Variants in ASTL observed in about 807,000 individuals in gnomAD.
ASTL encodes the protein astacin-like metalloendopeptidase.
Under a neutral mutation model 36.7 loss-of-function variants are expected in ASTL, and 27 were observed. That is an observed-to-expected ratio of 0.73 (90% CI 0.54 to 1.01). The LOEUF is 1.01. ASTL is among the 50% of genes least tolerant of loss of function. ASTL has a pLI of 0.00. For missense variants in ASTL, 524 were observed against 572.8 expected, an observed-to-expected ratio of 0.91 and a Z score of 0.87; for synonymous variants, 222 against 228.1, an observed-to-expected ratio of 0.97 and a Z score of 0.24.
Position 96,123,856 on chromosome 2 carries a change from T to A in ASTL, c.1290A>T (p.Glu430Asp), listed in dbSNP as rs760519375. Residue 430 changes from glutamate to aspartate, a missense_variant, in exon 9 of 9, where the codon GAA becomes GAT. By Grantham distance (45) the Glu-to-Asp change is conservative. Transcript: ENST00000342380. ...GGGGACAGAAGCCACAGGCTTAATC[T>A]TCGGACATCCCCTTGAAATGATTTC... is the stretch of plus-strand genomic sequence containing the variant. ...VPRNHFKGMS[E>D]D 3.1e-6 allele frequency: 5 copies of A among 1,612,668 alleles called. No homozygotes were observed. The highest frequency in any genetic ancestry group is 4.2e-6 in the Non-Finnish European group (5 of 1,179,430).
Position 96,124,370 on chromosome 2 carries a change from C to A in ASTL, c.875-99G>T, listed in dbSNP as rs144408515. ...GCTGGCTCAGCTCACAGGAGTGGTG[C>A]CCACCCATGCCACGGCCTAGTGCAT... is the stretch of plus-strand genomic sequence containing the variant. On this transcript the variant is annotated intron_variant, in intron 8 of 8. Coordinates refer to ENST00000342380, the MANE Select transcript of ASTL (RefSeq NM_001002036.4). This position sits in a 1 kb window ranked among gnomAD's most constrained non-coding sequence, Gnocchi z 4.1. 231 of 1,116,556 alleles carry A rather than the reference C, an allele frequency of 2.1e-4. 2 individuals carry two copies. The East Asian group carries it at 6.5e-3, about 32-fold the overall frequency. The allele number at this position is 1,116,556 out of a possible 1,614,324, so 69.2% of individuals were successfully genotyped here.
At position 96,129,870 on chromosome 2, in the gene ASTL, G is replaced by A; in HGVS notation, c.828C>T (p.Leu276=). 1 of 1,597,446 alleles carries A rather than the reference G, an allele frequency of 6.3e-7. No individual in the cohort carries two copies. The highest frequency in any genetic ancestry group is 2.2e-5 in the East Asian group (1 of 44,502). ...NLSASDITRV[L]KLYGCSPSGP... is the part of the protein sequence containing the mutation. ...CACTTGGGCTGCAGCCGTAGAGTTT[G>A]AGGACCCGGGTGATGTCCGAGGCAC... Residue 276 remains leucine (L), a synonymous_variant, in exon 8 of 9, where the codon CTC becomes CTT. Transcript: ENST00000342380.
chr2:96,124,411 C>CCA lies in ASTL; in HGVS notation c.875-142_875-141dup. On this transcript the variant is annotated intron_variant, in intron 8 of 8. Transcript: ENST00000342380. The surrounding 1 kb of genome is among the most constrained non-coding windows in gnomAD (Gnocchi z 4.1). Reference sequence around the variant, plus strand: ...CCTAGTGCATCCAAGACCCAGATTCCCACCCTACCAGAGACCAGGACAATG... The same window carrying CCA: ...CCTAGTGCATCCAAGACCCAGATTCCCACACCCTACCAGAGACCAGGACAATG... 1 of 649,544 alleles carries CCA rather than the reference C, an allele frequency of 1.5e-6. No individual in the cohort carries two copies. Among genetic ancestry groups the CCA allele is most frequent in the Non-Finnish European group, 2.4e-6 (1 of 423,102 alleles). The allele number at this position is 649,544 out of a possible 1,614,324, so 40.2% of individuals were successfully genotyped here.
intron 7 of ASTL, 22 bp downstream of exon 7, chr2:96,130,042 G>A: frequency 6.2e-7 from 1 of 1,613,654 alleles, no homozygotes; most frequent in Non-Finnish European, 8.5e-7. Flanking sequence ...GAAGCAGAGG[G>A]AGAAGAAGGC....
At position 96,124,138 on chromosome 2, in the gene ASTL, A is replaced by G; in HGVS notation, c.1008T>C (p.Pro336=). ...SGSSAGGQPV[P]AGPGESPHGW... is the part of the protein sequence containing the mutation. ...CATGTGGGCTCTCCCCAGGCCCTGCAGGAACGGGCTGGCCTCCCGCACTGG... is the reference window on the plus strand; with the variant it reads ...CATGTGGGCTCTCCCCAGGCCCTGCGGGAACGGGCTGGCCTCCCGCACTGG... The change falls in exon 9 of 9, where the codon CCT becomes CCC. Residue 336 remains proline, a synonymous_variant. Transcript: ENST00000342380. The surrounding 1 kb of genome is among the most constrained non-coding windows in gnomAD (Gnocchi z 4.1). The G allele has an allele frequency of 1.9e-6, 3 of 1,578,688 alleles. No homozygotes were observed. The highest frequency in any genetic ancestry group is 2.6e-6 in the Non-Finnish European group (3 of 1,161,290).
intron 8 of ASTL, among the ~76,000 whole-genome samples, chr2:96,128,939 T>C (rs1682114205): frequency 6.6e-6 from 1 of 151,958 alleles, no homozygotes; most frequent in Non-Finnish European, 1.5e-5. Context: ...GCTCAGGAGA[T>C]TGAGGCACAA....
chr2:96,129,677 T>A, intron 8 of ASTL, 147 bp downstream of exon 8: 1 of 634,832 alleles, frequency 1.6e-6, no homozygotes, highest in Admixed American at 3.4e-5. Flanking sequence ...TTTCCTCAAG[T>A]GCTTGTTCTG....
intron 3 of ASTL, 102 bp from the exon 4 acceptor site, chr2:96,134,160 G>C (rs1332826721): frequency 3.9e-6 from 3 of 761,924 alleles, no homozygotes; most frequent in Non-Finnish European, 4.7e-6. Context: ...AAAGATGTGG[G>C]AGTCAGGACC....
At chr2:96,125,238 C>T (rs1395311209) in intron 8 of ASTL, among the ~76,000 whole-genome samples, 6 of 152,186 alleles carry the variant, frequency 3.9e-5, no homozygotes, top group African/African-American at 9.7e-5. Flanking sequence ...AGCCCTAGAA[C>T]GCTAGCATCC....
chr2:96,130,211 T>TGGCTGGGAGAGTC, intron 6 of ASTL, 66 bp from the exon 7 acceptor site: 1 of 1,264,116 alleles, frequency 7.9e-7, no homozygotes. Flanking sequence ...GGGCAGGCAA[T>TGGCTGGGAGAGTC]GGCTGGGAGA....
intron 8 of ASTL, among the ~76,000 whole-genome samples, chr2:96,129,218 G>A (rs2917662): frequency 0.31 from 47,590 of 151,980 alleles, 7,792 homozygotes; most frequent in East Asian, 0.42. Flanking sequence ...TTCCTCAAAT[G>A]TTTGATACAG....
In ASTL at chr2:96,132,292, G is replaced by C. The variant is rs1682196198; in HGVS notation, c.637+248C>G. Among the ~76,000 whole-genome samples the C allele has an allele frequency of 6.6e-6, 1 of 152,232 alleles. No homozygotes were observed. On this transcript the variant is annotated intron_variant, in intron 6 of 8. Coordinates refer to ENST00000342380, the MANE Select transcript of ASTL (RefSeq NM_001002036.4). This position sits in a 1 kb window ranked among gnomAD's most constrained non-coding sequence, Gnocchi z 5.4. Reference sequence around the variant, plus strand: ...CAGGGATGAGAAGCGAGACAAAGCAGGTGGTGGCGCCCTAGCTAAGGCACA... The same window carrying C: ...CAGGGATGAGAAGCGAGACAAAGCACGTGGTGGCGCCCTAGCTAAGGCACA...
Position 96,124,228 on chromosome 2 carries a change from G to A in ASTL, c.918C>T (p.Ser306=). 6.6e-7 allele frequency: 1 copy of A among 1,517,404 alleles called. No individual in the cohort carries two copies. The highest frequency in any genetic ancestry group is 8.8e-7 in the Non-Finnish European group (1 of 1,134,642). 94.0% of individuals were successfully genotyped at this position (1,517,404 alleles called of 1,614,324 possible). A position where few individuals can be genotyped will look rare whatever the true frequency, so the allele number is the denominator to read the frequency against. The change falls in exon 9 of 9, where the codon TCC becomes TCT. Residue 306 remains serine (S), a synonymous_variant. Coordinates refer to ENST00000342380, the MANE Select transcript of ASTL (RefSeq NM_001002036.4). The surrounding 1 kb of genome is among the most constrained non-coding windows in gnomAD (Gnocchi z 4.1). ...CCTCCAAAAGCCGCTGCAGAGATAG[G>A]GAGGCCGGAGCGGGGCTCCTACCAG... is the stretch of plus-strand genomic sequence containing the variant. ...HSTGRSPAPA[S]LSLQRLLEAL...
chr2:96,135,675 A>T (rs1682281562), intron 2 of ASTL, among the ~76,000 whole-genome samples: 1 of 152,180 alleles, frequency 6.6e-6, no homozygotes, highest in Non-Finnish European at 1.5e-5. Flanking sequence ...CTGGAGGACA[A>T]AGACAAAGGA....
At chr2:96,137,879 C>G (rs1682337726) in intron 1 of ASTL, 179 bp from the exon 2 acceptor site, 1 of 613,976 alleles carries the variant, frequency 1.6e-6, no homozygotes, top group Non-Finnish European at 2.8e-6. Flanking sequence ...CAACTGGTGC[C>G]AAGGTCTAGA....
Position 96,132,660 on chromosome 2 carries a change from G to A in ASTL, c.517C>T (p.Leu173Phe). The change falls in exon 6 of 9, where the codon CTC becomes TTC. Residue 173 changes from leucine (L) to phenylalanine (F), a missense_variant. Physicochemically the swap from Leu to Phe is conservative, Grantham distance 22. Coordinates refer to ENST00000342380, the MANE Select transcript of ASTL (RefSeq NM_001002036.4). The surrounding 1 kb of genome is among the most constrained non-coding windows in gnomAD (Gnocchi z 5.4). The stretch of plus-strand genomic sequence containing the variant: ...AGGACAATGCCCCGGCCCTTCTGGA[G>A]ACACGTGGGCGCCAGGGAGACCACC... ...MQVVSLAPTCLQKGRGIVLHE... is the reference protein window; with the variant it reads ...MQVVSLAPTCFQKGRGIVLHE... 1 of 1,613,472 alleles carries A rather than the reference G, an allele frequency of 6.2e-7. No homozygotes were observed. Among genetic ancestry groups the A allele is most frequent in the Admixed American group, 1.7e-5 (1 of 60,002 alleles).
Position 96,124,163 on chromosome 2 carries a change from G to C in ASTL, c.983C>G (p.Ser328Cys). 6.4e-7 allele frequency: 1 copy of C among 1,553,674 alleles called. No individual in the cohort carries two copies. Among genetic ancestry groups the C allele is most frequent in the Non-Finnish European group, 8.7e-7 (1 of 1,150,906 alleles). ...AESRSPDPSG[S>C]SAGGQPVPAG... is the part of the protein sequence containing the mutation. ...AGGAACGGGCTGGCCTCCCGCACTG[G>C]AACCACTGGGGTCGGGGCTCCTGGA... The change falls in exon 9 of 9, where the codon TCC (serine) becomes TGC (cysteine). Residue 328 changes from serine to cysteine, a missense_variant. By Grantham distance (112) the Ser-to-Cys change is moderately radical. Transcript: ENST00000342380. The surrounding 1 kb of genome is among the most constrained non-coding windows in gnomAD (Gnocchi z 4.1).
At position 96,124,243 on chromosome 2, in the gene ASTL, G is replaced by A. The variant is rs760136828; in HGVS notation, c.903C>T (p.Ser301=). ...RGSHAHSTGR[S]PAPASLSLQR... The stretch of plus-strand genomic sequence containing the variant: ...GCAGAGATAGGGAGGCCGGAGCGGG[G>A]CTCCTACCAGTGCTGTGGGCATGGG... Residue 301 remains serine, a synonymous_variant, in exon 9 of 9, where the codon AGC becomes AGT. Coordinates refer to ENST00000342380, the MANE Select transcript of ASTL (RefSeq NM_001002036.4). This position sits in a 1 kb window ranked among gnomAD's most constrained non-coding sequence, Gnocchi z 4.1. The A allele has an allele frequency of 1.3e-6, 2 of 1,515,208 alleles. No individual in the cohort carries two copies. The highest frequency in any genetic ancestry group is 1.4e-5 in the African/African-American group (1 of 71,616). The allele number at this position is 1,515,208 out of a possible 1,614,324, so 93.9% of individuals were successfully genotyped here.
intron 5 of ASTL, among the ~76,000 whole-genome samples, chr2:96,133,005 C>T (rs1682216777): frequency 6.6e-6 from 1 of 152,168 alleles, no homozygotes; most frequent in Admixed American, 6.5e-5. Flanking sequence ...GTGAGCACAC[C>T]CTCCTGGTCA....
Sources: gnomAD v4.1 joint callset for allele counts (sites outside exome capture counted in the v4.1 genomes callset) on GRCh38, gnomAD v4.1.1 for gene constraint, Gnocchi (gnomAD v3.1) non-coding constraint, MANE v1.5 for transcripts, NCBI Gene and HGNC (gene_info 2026-07-23, HGNC 2026-07-21) for gene names.